RBMS3: variants seen among roughly 807,000 people sequenced by gnomAD.
The protein encoded by RBMS3 is RNA-binding motif, single-stranded-interacting protein 3.
A neutral mutation model predicts 66.8 loss-of-function variants in RBMS3; 27 were observed. The ratio of observed to expected loss-of-function variants is 0.40; its 90% CI spans 0.30 to 0.56. The LOEUF (loss-of-function observed/expected upper bound fraction) is 0.56. Ranked by LOEUF, RBMS3 falls within the 20% of genes least tolerant of loss-of-function variation. RBMS3 has a pLI of 0.40. For synonymous variants in RBMS3, 188 were observed against 183.0 expected (o/e 1.03, Z -0.22); for missense variants, 513 against 549.5 (o/e 0.93, Z 0.66).
chr3:29,917,552 A>G (rs1371388155), intron 10 of RBMS3, among the ~76,000 whole-genome samples: 4 of 152,192 alleles, frequency 2.6e-5, no homozygotes, highest in African/African-American at 9.6e-5. Context: ...GGAATAAGAA[A>G]TTAAACTGGC....
intron 3 of RBMS3, among the ~76,000 whole-genome samples, chr3:29,497,091 C>T (rs1303710709): frequency 4.0e-5 from 6 of 151,862 alleles, no homozygotes; most frequent in Non-Finnish European, 2.9e-5. Context: ...CTCACTGCAA[C>T]CTCCGCCTCC....
intron 6 of RBMS3, among the ~76,000 whole-genome samples, chr3:29,796,710 A>ATTTTTTTTTTTTT (rs1576829680): frequency 1.1e-5 from 1 of 93,348 alleles, no homozygotes; most frequent in African/African-American, 5.2e-5. Context: ...TTTGAAAGGA[A>ATTTTTTTTTTTTT]TCTTTTTTTT....
rs548495046 is a variant in RBMS3, at chr3:29,963,795, C to T, written c.1098+19541C>T. Among the ~76,000 whole-genome samples the T allele has an allele frequency of 3.4e-5, 5 of 148,516 alleles. No homozygotes were observed. The East Asian group carries it at 9.9e-4, about 29-fold the overall frequency. ...TGAGCCAAGATCCCACCACCGTACTCCAGGCTAGGTGACAGAACCAGGCTG... is the reference window on the plus strand; with the variant it reads ...TGAGCCAAGATCCCACCACCGTACTTCAGGCTAGGTGACAGAACCAGGCTG... On this transcript the variant is annotated intron_variant, in intron 12 of 14. Coordinates refer to ENST00000383767, the MANE Select transcript of RBMS3 (RefSeq NM_001003793.3).
chr3:29,879,239 G>T (rs2059682708), intron 7 of RBMS3, among the ~76,000 whole-genome samples: 5 of 152,002 alleles, frequency 3.3e-5, no homozygotes, highest in Admixed American at 2.0e-4. Context: ...TTCACTAAAG[G>T]TTTCTAAGTA....
intron 11 of RBMS3, among the ~76,000 whole-genome samples, chr3:29,941,833 T>C (rs143096645): frequency 2.3e-4 from 35 of 151,930 alleles, no homozygotes; most frequent in African/African-American, 8.2e-4. Flanking sequence ...CATGTACATA[T>C]ATCCCATCAA....
intron 4 of RBMS3, among the ~76,000 whole-genome samples, chr3:29,711,897 T>A (rs1156600193): frequency 1.3e-5 from 2 of 152,230 alleles, no homozygotes; most frequent in East Asian, 3.9e-4. Flanking sequence ...AATGCTAGCA[T>A]AACCATTAAA....
At chr3:29,511,333 C>A (rs1418950876) in intron 3 of RBMS3, among the ~76,000 whole-genome samples, 9 of 151,998 alleles carry the variant, frequency 5.9e-5, no homozygotes, top group Non-Finnish European at 8.8e-5. Flanking sequence ...TATTTTAAAC[C>A]AAATTTCTAA....
At chr3:29,444,187 T>TAA (rs779186569) in intron 2 of RBMS3, among the ~76,000 whole-genome samples, 3 of 147,756 alleles carry the variant, frequency 2.0e-5, no homozygotes, top group Non-Finnish European at 3.0e-5. Flanking sequence ...GTGTGGTATC[T>TAA]AATATGTACT....
chr3:29,532,467 T>G (rs1338482487), intron 3 of RBMS3, among the ~76,000 whole-genome samples: 1 of 151,834 alleles, frequency 6.6e-6, no homozygotes, highest in East Asian at 1.9e-4. Flanking sequence ...CATATTATGG[T>G]TCTTTATAAA....
chr3:29,800,716 T>G (rs2057361401), intron 6 of RBMS3, among the ~76,000 whole-genome samples: 1 of 152,178 alleles, frequency 6.6e-6, no homozygotes, highest in African/African-American at 2.4e-5. Flanking sequence ...GCACTTTTTT[T>G]GGAAAAGTAA....
At chr3:29,294,712 T>C (rs1052815714) in intron 1 of RBMS3, among the ~76,000 whole-genome samples, 1 of 151,736 alleles carries the variant, frequency 6.6e-6, no homozygotes, top group African/African-American at 2.4e-5. Flanking sequence ...GTTGGACATA[T>C]CAGGAAACTA....
At chr3:29,457,075 T>G (rs1338352585) in intron 2 of RBMS3, among the ~76,000 whole-genome samples, 1 of 152,158 alleles carries the variant, frequency 6.6e-6, no homozygotes, top group African/African-American at 2.4e-5. Context: ...CCAGGTAGAA[T>G]AGTGTATGTG....
Position 29,675,782 on chromosome 3 carries a change from G to A in RBMS3, c.400-63938G>A, listed in dbSNP as rs563770889. Among the ~76,000 whole-genome samples, 8 of 152,266 alleles carry A rather than the reference G, an allele frequency of 5.3e-5. No homozygotes were observed. In the South Asian group the frequency reaches 1.7e-3, roughly 32 times the overall value. ...TCATTAAAAAGTCAGGAAACAATAGGTGCTGGAGAGGATGTGGAGAAATAG... is the reference window on the plus strand; with the variant it reads ...TCATTAAAAAGTCAGGAAACAATAGATGCTGGAGAGGATGTGGAGAAATAG... On this transcript the variant is annotated intron_variant, in intron 4 of 14. Transcript: ENST00000383767.
chr3:29,403,948 T>C (rs1457511177), intron 1 of RBMS3, among the ~76,000 whole-genome samples: 1 of 152,138 alleles, frequency 6.6e-6, no homozygotes, highest in Non-Finnish European at 1.5e-5. Flanking sequence ...AATGACTTTA[T>C]GTTTTGATAT....
intron 6 of RBMS3, among the ~76,000 whole-genome samples, chr3:29,775,470 T>C (rs550506202): frequency 3.7e-4 from 56 of 152,078 alleles, no homozygotes; most frequent in South Asian, 1.5e-3. Context: ...GCTGCAATTG[T>C]GGGAATGGAA....
intron 4 of RBMS3, chr3:29,698,176 G>A (rs1360963669): frequency 1.0e-6 from 1 of 976,616 alleles, no homozygotes; most frequent in Non-Finnish European, 1.2e-6. Context: ...TCAGACTACT[G>A]TTATTCTATT....
intron 3 of RBMS3, among the ~76,000 whole-genome samples, chr3:29,586,452 G>T (rs973962446): frequency 1.3e-5 from 2 of 151,970 alleles, no homozygotes; most frequent in Non-Finnish European, 2.9e-5. Context: ...ATTTTTAAAA[G>T]AAACATGAAT....
At chr3:29,981,256 T>C (rs533863125) in intron 12 of RBMS3, among the ~76,000 whole-genome samples, 2 of 152,336 alleles carry the variant, frequency 1.3e-5, no homozygotes, top group East Asian at 3.9e-4. Context: ...ATAGAAATGC[T>C]TGTGATTTTT....
At chr3:29,596,226 G>C (rs748527654) in intron 4 of RBMS3, among the ~76,000 whole-genome samples, 6 of 152,112 alleles carry the variant, frequency 3.9e-5, no homozygotes, top group East Asian at 3.8e-4. Context: ...CTCTAAAAAT[G>C]ATTGGATGAA....
Sources: gnomAD v4.1 joint callset for allele counts (sites outside exome capture counted in the v4.1 genomes callset) on GRCh38, gnomAD v4.1.1 for gene constraint, MANE v1.5 for transcripts, NCBI Gene and HGNC (gene_info 2026-07-23, HGNC 2026-07-21) for gene names.